Variants in HACD1 observed in about 807,000 individuals in gnomAD.
HACD1 encodes the protein 3-hydroxyacyl-CoA dehydratase 1, also known as very-long-chain (3R)-3-hydroxyacyl-CoA dehydratase 1.
A neutral mutation model predicts 32.0 loss-of-function variants in HACD1; 41 were observed. The observed-to-expected ratio is 1.28, with a 90% CI of 1.00 to 1.66. The LOEUF is 1.66. HACD1 is among the 40% of genes most tolerant of loss of function. The pLI is 0.00. For synonymous variants in HACD1, 142 were observed against 139.0 expected (o/e 1.02, Z -0.15); for missense variants, 396 against 380.1 (o/e 1.04, Z -0.35).
intron 1 of HACD1, among the ~76,000 whole-genome samples, chr10:17,609,155 G>GTTTTTTTTT (rs56347429): frequency 7.6e-6 from 1 of 132,128 alleles, no homozygotes; most frequent in African/African-American, 2.9e-5. Flanking sequence ...TGTGCAAAAG[G>GTTTTTTTTT]TTTTTTTTTT....
intron 4 of HACD1, among the ~76,000 whole-genome samples, chr10:17,601,654 C>G (rs904135793): frequency 2.2e-4 from 34 of 152,140 alleles, no homozygotes; most frequent in Non-Finnish European, 5.9e-5. Context: ...TATTCCCTCA[C>G]TGCCTGGAAG....
rs191027041 is a variant in HACD1, at chr10:17,614,678, C to T, written c.257+2405G>A. 2.2e-3 allele frequency among the ~76,000 whole-genome samples: 328 copies of T among 151,662 alleles called. 2 individuals are homozygous for T. Among genetic ancestry groups the T allele is most frequent in the African/African-American group, 6.8e-3 (282 of 41,318 alleles). On this transcript the variant is annotated intron_variant, in intron 1 of 6. Transcript: ENST00000361271. ...TGTAGTAAGCACCACTGCACTCCAGCCTGGAAAACAGAGCAAGGGCTTGGC... is the reference window on the plus strand; with the variant it reads ...TGTAGTAAGCACCACTGCACTCCAGTCTGGAAAACAGAGCAAGGGCTTGGC...
intron 6 of HACD1, among the ~76,000 whole-genome samples, chr10:17,591,808 TAAGAA>T (rs1554815598): frequency 2.1e-5 from 2 of 96,068 alleles, no homozygotes; most frequent in Admixed American, 1.3e-4. Context: ...CTTCCTAACT[TAAGAA>T]AGGTTACCAT....
At chr10:17,596,157 G>C (rs1833992863) in intron 5 of HACD1, among the ~76,000 whole-genome samples, 1 of 152,126 alleles carries the variant, frequency 6.6e-6, no homozygotes, top group Non-Finnish European at 1.5e-5. Context: ...AAGAAGCTTG[G>C]AGACAAATTA....
intron 1 of HACD1, among the ~76,000 whole-genome samples, chr10:17,609,666 T>C (rs1834202250): frequency 6.6e-6 from 1 of 152,120 alleles, no homozygotes; most frequent in African/African-American, 2.4e-5. Flanking sequence ...GTCCCATTCA[T>C]TGCGAGAGGG....
intron 6 of HACD1, among the ~76,000 whole-genome samples, 178 bp downstream of exon 6, chr10:17,594,027 T>G (rs1833962749): frequency 6.6e-6 from 1 of 152,250 alleles, no homozygotes; most frequent in South Asian, 2.1e-4. Flanking sequence ...TAATGAACTG[T>G]CTTCTGCCTC....
Position 17,589,912 on chromosome 10 carries a change from G to A in HACD1, c.*452C>T, listed in dbSNP as rs920248957. ...TTAGTCATAATGCTGCCTTATTCCT[G>A]AAAAAATAGATTGTGGGTTCAAAAA... On this transcript the variant is annotated 3_prime_UTR_variant, in exon 7 of 7. Transcript: ENST00000361271. 2 of 151,676 alleles carry A rather than the reference G, an allele frequency of 1.3e-5. No homozygotes were observed. Among genetic ancestry groups the A allele is most frequent in the African/African-American group, 2.4e-5 (1 of 41,218 alleles). 9.4% of individuals were successfully genotyped at this position (151,676 alleles called of 1,614,324 possible). A position where few individuals can be genotyped will look rare whatever the true frequency, so the allele number is the denominator to read the frequency against.
At chr10:17,611,891 C>T (rs148100587) in intron 1 of HACD1, among the ~76,000 whole-genome samples, 3 of 151,454 alleles carry the variant, frequency 2.0e-5, no homozygotes, top group South Asian at 2.1e-4. Flanking sequence ...GGCATGAACC[C>T]GGGAGGCGGA....
At chr10:17,602,064 T>A (rs1014891104) in intron 4 of HACD1, among the ~76,000 whole-genome samples, 2 of 144,236 alleles carry the variant, frequency 1.4e-5, no homozygotes, top group Non-Finnish European at 3.0e-5. Flanking sequence ...GTTCCTGTCA[T>A]GGGTTTAATT....
chr10:17,595,988 A>G (rs1265009050), intron 5 of HACD1, among the ~76,000 whole-genome samples: 1 of 152,210 alleles, frequency 6.6e-6, no homozygotes, highest in Non-Finnish European at 1.5e-5. Flanking sequence ...CCTGTCTCAA[A>G]AAAAATAAAT....
chr10:17,600,303 T>G (rs1554816382), intron 4 of HACD1, among the ~76,000 whole-genome samples: 1 of 152,220 alleles, frequency 6.6e-6, no homozygotes, highest in Non-Finnish European at 1.5e-5. Context: ...CCTGAGCAGT[T>G]ATTTGCTCAC....
chr10:17,604,896 G>T (rs1834124209), intron 1 of HACD1, among the ~76,000 whole-genome samples: 1 of 151,998 alleles, frequency 6.6e-6, no homozygotes, highest in South Asian at 2.1e-4. Context: ...TGTAGATATG[G>T]GTTTTCGCCA....
intron 1 of HACD1, among the ~76,000 whole-genome samples, chr10:17,616,805 TC>T (rs1262914264): frequency 6.6e-6 from 1 of 151,354 alleles, no homozygotes; most frequent in African/African-American, 2.4e-5. Context: ...AGCAGCCACC[TC>T]CCCCGCGGGC....
chr10:17,600,968 G>A (rs142304893), intron 4 of HACD1, among the ~76,000 whole-genome samples: 139 of 151,960 alleles, frequency 9.1e-4, no homozygotes, highest in African/African-American at 3.1e-3. Flanking sequence ...AGCATTGTGC[G>A]TGATTTAACG....
intron 1 of HACD1, among the ~76,000 whole-genome samples, chr10:17,607,512 T>TG (rs1160237406): frequency 6.6e-6 from 1 of 152,252 alleles, no homozygotes; most frequent in Non-Finnish European, 1.5e-5. Flanking sequence ...TCCATACACT[T>TG]GTCTTTTTTA....
At chr10:17,615,337 C>T (rs1258317152) in intron 1 of HACD1, 1 of 152,208 alleles carries the variant, frequency 6.6e-6, no homozygotes, top group Non-Finnish European at 1.5e-5. Flanking sequence ...TCATGTGCCC[C>T]TCACAGGACT....
At chr10:17,613,569 T>G (rs1032626034) in intron 1 of HACD1, among the ~76,000 whole-genome samples, 2 of 152,188 alleles carry the variant, frequency 1.3e-5, no homozygotes, top group African/African-American at 4.8e-5. Context: ...TATTCCTTCT[T>G]CAAATCTCAC....
chr10:17,611,366 T>C (rs1554817477), intron 1 of HACD1, among the ~76,000 whole-genome samples: 1 of 152,186 alleles, frequency 6.6e-6, no homozygotes, highest in African/African-American at 2.4e-5. Context: ...CTCATGCTGT[T>C]TCCCCACTTA....
At chr10:17,616,146 G>C (rs1833079871) in intron 1 of HACD1, among the ~76,000 whole-genome samples, 1 of 152,002 alleles carries the variant, frequency 6.6e-6, no homozygotes, top group South Asian at 2.1e-4. Context: ...GCGGGCGCCT[G>C]TAGTCCCAGC....
Sources: allele counts gnomAD v4.1 joint callset (sites outside exome capture counted in the v4.1 genomes callset), GRCh38; gene constraint gnomAD v4.1.1; transcripts MANE v1.5; gene names NCBI Gene and HGNC (gene_info 2026-07-23, HGNC 2026-07-21).